SSBP2: variants seen among roughly 807,000 people sequenced by gnomAD.
The protein encoded by SSBP2 is single stranded DNA binding protein 2.
In SSBP2, 17 loss-of-function variants were observed where a neutral mutation model predicts 61.8. The ratio of observed to expected loss-of-function variants is 0.28; its 90% CI spans 0.19 to 0.41. SSBP2 has a LOEUF of 0.41. Among genes scored for constraint, SSBP2 ranks in the 10% least tolerant of loss-of-function variants. SSBP2 has a pLI of 1.00. For synonymous variants in SSBP2, 139 were observed against 141.3 expected (o/e 0.98, Z 0.12); for missense variants, 310 against 458.7 (o/e 0.68, Z 2.96).
At chr5:81,462,872 T>A (rs908466939) in intron 9 of SSBP2, among the ~76,000 whole-genome samples, 3 of 152,118 alleles carry the variant, frequency 2.0e-5, no homozygotes, top group Non-Finnish European at 4.4e-5. Flanking sequence ...ATGTAGATAA[T>A]CTTATAATTT....
chr5:81,420,949 T>C (rs1476447059), intron 16 of SSBP2, among the ~76,000 whole-genome samples: 1 of 152,176 alleles, frequency 6.6e-6, no homozygotes. Context: ...CTACCTAACC[T>C]GTCTTGACTT....
intron 1 of SSBP2, among the ~76,000 whole-genome samples, chr5:81,719,517 G>A (rs889282565): frequency 5.3e-5 from 8 of 152,172 alleles, no homozygotes; most frequent in Admixed American, 6.5e-5. Flanking sequence ...AGCTTGAATT[G>A]AGGCTTAGCC....
chr5:81,597,893 G>A (rs7702428), intron 4 of SSBP2, among the ~76,000 whole-genome samples: 96,169 of 145,498 alleles, frequency 0.66, 32,211 homozygotes, highest in East Asian at 0.93. Flanking sequence ...GCATTAGGAG[G>A]TATACCTAAT....
intron 1 of SSBP2, among the ~76,000 whole-genome samples, chr5:81,654,646 C>T (rs902371005): frequency 6.6e-6 from 1 of 152,256 alleles, no homozygotes; most frequent in Middle Eastern, 3.4e-3. Context: ...TTCCCATTAG[C>T]TCCCGACAAA....
intron 4 of SSBP2, among the ~76,000 whole-genome samples, chr5:81,544,091 C>T (rs1450915242): frequency 6.6e-6 from 1 of 152,174 alleles, no homozygotes; most frequent in East Asian, 1.9e-4. Flanking sequence ...GCTCTGTGGC[C>T]CAGGCTGGAG....
At chr5:81,637,598 G>A (rs929608737) in intron 2 of SSBP2, among the ~76,000 whole-genome samples, 12 of 152,152 alleles carry the variant, frequency 7.9e-5, no homozygotes, top group East Asian at 3.8e-4. Flanking sequence ...GTGAAGTTGC[G>A]AAAGTTACTT....
chr5:81,472,749 G>A (rs1765332009), intron 8 of SSBP2, among the ~76,000 whole-genome samples: 1 of 152,032 alleles, frequency 6.6e-6, no homozygotes, highest in African/African-American at 2.4e-5. Flanking sequence ...ACAGGCACCT[G>A]CCACCTCGCC....
chr5:81,466,929 A>G (rs764933547), intron 9 of SSBP2, 45 bp downstream of exon 9: 3 of 1,193,362 alleles, frequency 2.5e-6, no homozygotes, highest in Non-Finnish European at 2.4e-6. Context: ...TATATATAAA[A>G]TATCATCCAC....
chr5:81,726,225 G>T (rs547598716), intron 1 of SSBP2, among the ~76,000 whole-genome samples: 2 of 152,122 alleles, frequency 1.3e-5, no homozygotes, highest in Non-Finnish European at 2.9e-5. Flanking sequence ...TTTTGCACCT[G>T]AGGTCAGAAA....
intron 4 of SSBP2, among the ~76,000 whole-genome samples, chr5:81,609,498 C>A (rs962311766): frequency 6.6e-6 from 1 of 152,170 alleles, no homozygotes; most frequent in Non-Finnish European, 1.5e-5. Context: ...TTATGAACCC[C>A]TAAAGGGAGA....
At chr5:81,445,134 A>ATT (rs1561407156) in intron 12 of SSBP2, among the ~76,000 whole-genome samples, 2 of 91,040 alleles carry the variant, frequency 2.2e-5, no homozygotes, top group Non-Finnish European at 4.1e-5. Context: ...AGAAAAAAAA[A>ATT]ATTTTATATA....
At chr5:81,542,109 T>C (rs549731343) in intron 4 of SSBP2, among the ~76,000 whole-genome samples, 2 of 152,154 alleles carry the variant, frequency 1.3e-5, no homozygotes, top group East Asian at 3.9e-4. Context: ...GGCAAAGACA[T>C]GAACAGACAC....
intron 13 of SSBP2, 47 bp from the exon 14 acceptor site, chr5:81,440,683 G>A: frequency 1.5e-6 from 2 of 1,354,816 alleles, no homozygotes; most frequent in Non-Finnish European, 2.1e-6. Context: ...TGAAAACAAT[G>A]GCTTATCTCA....
At chr5:81,502,856 A>G (rs1767899596) in intron 5 of SSBP2, among the ~76,000 whole-genome samples, 1 of 152,252 alleles carries the variant, frequency 6.6e-6, no homozygotes, top group Non-Finnish European at 1.5e-5. Flanking sequence ...AGCAGAAGAA[A>G]CTATCAAAAG....
At chr5:81,609,719 A>G (rs1173316066) in intron 4 of SSBP2, among the ~76,000 whole-genome samples, 3 of 152,226 alleles carry the variant, frequency 2.0e-5, no homozygotes, top group Non-Finnish European at 2.9e-5. Flanking sequence ...CCCATTTGGC[A>G]CATTTTTCTC....
intron 3 of SSBP2, among the ~76,000 whole-genome samples, chr5:81,617,972 C>A (rs1746220945): frequency 7.4e-6 from 1 of 135,806 alleles, no homozygotes; most frequent in African/African-American, 2.7e-5. Context: ...TGGAAAGGAA[C>A]AACCGGTACC....
intron 5 of SSBP2, among the ~76,000 whole-genome samples, chr5:81,509,589 T>C (rs1768438290): frequency 6.6e-6 from 1 of 152,332 alleles, no homozygotes; most frequent in Non-Finnish European, 1.5e-5. Flanking sequence ...TAATATAATA[T>C]GTCTTTTTTA....
chr5:81,664,256 G>A (rs1484547992), intron 1 of SSBP2, among the ~76,000 whole-genome samples: 1 of 151,318 alleles, frequency 6.6e-6, no homozygotes, highest in Non-Finnish European at 1.5e-5. Context: ...CCGAGTAGCT[G>A]GGACTATGGG....
chr5:81,599,939 C>A (rs1275981048), intron 4 of SSBP2, among the ~76,000 whole-genome samples: 1 of 152,116 alleles, frequency 6.6e-6, no homozygotes, highest in African/African-American at 2.4e-5. Context: ...TATGTTAGGG[C>A]ACATTTTATT....
Sources: gnomAD v4.1 joint callset for allele counts (sites outside exome capture counted in the v4.1 genomes callset) on GRCh38, gnomAD v4.1.1 for gene constraint, MANE v1.5 for transcripts, NCBI Gene and HGNC (gene_info 2026-07-23, HGNC 2026-07-21) for gene names.